DENND1B: variants seen among roughly 807,000 people sequenced by gnomAD.
DENND1B encodes DENN domain-containing protein 1B.
A neutral mutation model predicts 90.1 loss-of-function variants in DENND1B; 59 were observed. That is an observed-to-expected ratio of 0.65 (90% CI 0.53 to 0.81). The LOEUF is 0.81. DENND1B is among the 40% of genes least tolerant of loss of function. The pLI is 0.00. For synonymous variants in DENND1B, 337 were observed against 324.6 expected (o/e 1.04, Z -0.41); for missense variants, 862 against 912.6 (o/e 0.94, Z 0.71).
chr1:197,686,569 T>C (rs866638326), intron 3 of DENND1B, among the ~76,000 whole-genome samples: 6 of 152,182 alleles, frequency 3.9e-5, no homozygotes, highest in Admixed American at 6.5e-5. Context: ...GCTCAATGAC[T>C]TTAACATGTG....
chr1:197,670,443 C>CTGTATGTGTGTGTGTG (rs1553320872), intron 5 of DENND1B, among the ~76,000 whole-genome samples: 7 of 99,538 alleles, frequency 7.0e-5, no homozygotes, highest in African/African-American at 2.8e-4. Context: ...GGGGGGAAGA[C>CTGTATGTGTGTGTGTG]TGTGTGTGTG....
intron 7 of DENND1B, among the ~76,000 whole-genome samples, chr1:197,647,785 C>T (rs1572183936): frequency 6.6e-6 from 1 of 151,990 alleles, no homozygotes; most frequent in East Asian, 1.9e-4. Context: ...CCCATCTCTA[C>T]TAAAAATACA....
At chr1:197,611,744 T>C (rs939466936) in intron 12 of DENND1B, among the ~76,000 whole-genome samples, 187 bp downstream of exon 12, 1 of 150,772 alleles carries the variant, frequency 6.6e-6, no homozygotes, top group Non-Finnish European at 1.5e-5. Flanking sequence ...TAAAAAATGG[T>C]CATTTAGTAT....
chr1:197,526,454 C>A (rs931454178), intron 20 of DENND1B, among the ~76,000 whole-genome samples: 1 of 151,846 alleles, frequency 6.6e-6, no homozygotes, highest in Admixed American at 6.6e-5. Context: ...AAAACAAAGT[C>A]AAATAGGACA....
intron 20 of DENND1B, among the ~76,000 whole-genome samples, chr1:197,535,726 T>C (rs907223753): frequency 6.6e-6 from 1 of 152,196 alleles, no homozygotes; most frequent in Non-Finnish European, 1.5e-5. Flanking sequence ...TCACCTCTAC[T>C]GCCCTTCCTG....
At chr1:197,735,419 A>C (rs1662551089) in intron 2 of DENND1B, 1 of 1,432,226 alleles carries the variant, frequency 7.0e-7, no homozygotes, top group Non-Finnish European at 9.1e-7. Flanking sequence ...TCACTGTTAA[A>C]AAAAAATACT....
rs921345390 is a variant in DENND1B at position 197,509,374 on chromosome 1, A to G, written c.*1086T>C. On this transcript the variant is annotated 3_prime_UTR_variant, in exon 23 of 23. Coordinates refer to ENST00000620048, the MANE Select transcript of DENND1B (RefSeq NM_001195215.2). The stretch of plus-strand genomic sequence containing the variant: ...TATTCTGAATAGGATCTTGATGTGG[A>G]AAATGGATATTAGGAGAAAACTAAG... 3 of 151,780 alleles carry G rather than the reference A, an allele frequency of 2.0e-5. No homozygotes were observed. Among genetic ancestry groups the G allele is most frequent in the African/African-American group, 4.8e-5 (2 of 41,376 alleles). 9.4% of individuals were successfully genotyped at this position (151,780 alleles called of 1,614,324 possible). A position where few individuals can be genotyped will look rare whatever the true frequency, so the allele number is the denominator to read the frequency against.
At chr1:197,545,627 T>C in intron 18 of DENND1B, 1 of 275,970 alleles carries the variant, frequency 3.6e-6, no homozygotes, top group Non-Finnish European at 6.7e-6. Flanking sequence ...TTAAATGAAA[T>C]AATGACATTT....
intron 15 of DENND1B, among the ~76,000 whole-genome samples, chr1:197,579,049 T>C (rs1673958685): frequency 1.3e-5 from 2 of 152,212 alleles, no homozygotes; most frequent in Non-Finnish European, 2.9e-5. Flanking sequence ...AGAATAGCTT[T>C]CCAAGTGATT....
chr1:197,678,856 G>A (rs1243428653), intron 3 of DENND1B, among the ~76,000 whole-genome samples: 1 of 152,100 alleles, frequency 6.6e-6, no homozygotes, highest in Admixed American at 6.6e-5. Context: ...GTCCCTTGGA[G>A]AATATATTTT....
At chr1:197,753,689 A>C (rs1653869677) in intron 2 of DENND1B, among the ~76,000 whole-genome samples, 1 of 152,102 alleles carries the variant, frequency 6.6e-6, no homozygotes, top group Non-Finnish European at 1.5e-5. Context: ...TTTGCTATGA[A>C]CCAAAAACTG....
intron 10 of DENND1B, among the ~76,000 whole-genome samples, chr1:197,623,805 A>T (rs1383765306): frequency 6.6e-6 from 1 of 151,608 alleles, no homozygotes; most frequent in Admixed American, 6.6e-5. Flanking sequence ...AAACAAATTT[A>T]CAGTGACATG....
chr1:197,756,575 CAAAAAAAA>C (rs57605617), intron 2 of DENND1B, among the ~76,000 whole-genome samples: 11 of 53,968 alleles, frequency 2.0e-4, no homozygotes, highest in African/African-American at 8.7e-4. Flanking sequence ...GTCTCCATCT[CAAAAAAAA>C]AAAAAAAAAA....
intron 3 of DENND1B, among the ~76,000 whole-genome samples, chr1:197,701,923 ACT>A (rs916560843): frequency 5.7e-4 from 86 of 152,096 alleles, no homozygotes; most frequent in African/African-American, 1.7e-3. Flanking sequence ...ATATCTATTC[ACT>A]CTGTTTATTA....
intron 14 of DENND1B, among the ~76,000 whole-genome samples, chr1:197,593,435 T>G (rs1675415577): frequency 6.7e-6 from 1 of 148,730 alleles, no homozygotes; most frequent in Non-Finnish European, 1.5e-5. Flanking sequence ...ACTAAACAAA[T>G]AAATTTATAA....
At chr1:197,735,733 A>T (rs1274833144) in intron 2 of DENND1B, 1 of 1,613,404 alleles carries the variant, frequency 6.2e-7, no homozygotes. Flanking sequence ...CAGTTTCTTA[A>T]TGCAAAATGC....
rs200891896 is a variant in DENND1B, at chr1:197,754,453, G to A, written c.82+18415C>T. Among the ~76,000 whole-genome samples, 51 of 151,914 alleles carry A rather than the reference G, an allele frequency of 3.4e-4. No homozygotes were observed. In the East Asian group the frequency reaches 9.5e-3, roughly 28 times the overall value. On this transcript the variant is annotated intron_variant, in intron 2 of 22. Coordinates refer to ENST00000620048, the MANE Select transcript of DENND1B (RefSeq NM_001195215.2). ...TGTAATCCCAACACTTTGTCAGGCC[G>A]AGGCAGGCAGATCACTTGAGGCCAG...
chr1:197,560,382 G>C, intron 15 of DENND1B, among the ~76,000 whole-genome samples: 1 of 151,818 alleles, frequency 6.6e-6, no homozygotes, highest in Non-Finnish European at 1.5e-5. Context: ...GTTTTAGCAT[G>C]AAATAAGAAA....
intron 18 of DENND1B, among the ~76,000 whole-genome samples, chr1:197,541,337 G>A (rs1261063820): frequency 6.6e-6 from 1 of 152,122 alleles, no homozygotes; most frequent in South Asian, 2.1e-4. Flanking sequence ...GTAACAAACT[G>A]GAGGAACAGA....
Sources: gnomAD v4.1 joint callset for allele counts (sites outside exome capture counted in the v4.1 genomes callset) on GRCh38, gnomAD v4.1.1 for gene constraint, MANE v1.5 for transcripts, NCBI Gene and HGNC (gene_info 2026-07-23, HGNC 2026-07-21) for gene names.